SYBU: variants seen among roughly 807,000 people sequenced by gnomAD.
SYBU encodes the protein GOLSYN A protein.
Under a neutral mutation model 35.9 loss-of-function variants are expected in SYBU, and 21 were observed. That is an observed-to-expected ratio of 0.58 (90% CI 0.41 to 0.84). The LOEUF (loss-of-function observed/expected upper bound fraction) is 0.84, where lower values mean the gene tolerates loss of function less well. SYBU is among the 40% of genes least tolerant of loss of function. The probability of loss-of-function intolerance (pLI) is 0.00; values close to 1 mark genes in which losing one functional copy is unlikely to be tolerated. For missense variants in SYBU, 768 were observed against 848.2 expected, an observed-to-expected ratio of 0.91 and a Z score of 1.17; for synonymous variants, 319 against 324.3, an observed-to-expected ratio of 0.98 and a Z score of 0.18.
upstream of SYBU, chr8:109,645,075 C>A (rs577426453): frequency 8.3e-5 from 41 of 493,144 alleles, no homozygotes; most frequent in African/African-American, 7.8e-4. Flanking sequence ...ATCTCCAGCC[C>A]AGGGGTGACC....
chr8:109,656,427 T>C (rs978506953), intron 1 of SYBU, among the ~76,000 whole-genome samples: 8 of 152,282 alleles, frequency 5.3e-5, no homozygotes, highest in African/African-American at 1.7e-4. Flanking sequence ...AAATGTTGAG[T>C]ATGGGGAATA....
intron 3 of SYBU, among the ~76,000 whole-genome samples, chr8:109,617,801 T>G (rs570724892): frequency 6.6e-6 from 1 of 152,248 alleles, no homozygotes; most frequent in African/African-American, 2.4e-5. Context: ...TTTCACAGTT[T>G]AAGTTTTCCT....
chr8:109,578,809 G>A (rs1002489941), intron 5 of SYBU, among the ~76,000 whole-genome samples: 2 of 152,216 alleles, frequency 1.3e-5, no homozygotes, highest in Non-Finnish European at 2.9e-5. Context: ...ACTGCCTAAA[G>A]ATCCTGATGG....
At chr8:109,652,536 G>T (rs975099544) in intron 1 of SYBU, among the ~76,000 whole-genome samples, 16 of 152,106 alleles carry the variant, frequency 1.1e-4, no homozygotes, top group Non-Finnish European at 7.3e-5. Flanking sequence ...CTCAAATCTT[G>T]ATCACCTAGG....
At chr8:109,633,953 C>CT (rs1813919324) in intron 2 of SYBU, among the ~76,000 whole-genome samples, 1 of 152,106 alleles carries the variant, frequency 6.6e-6, no homozygotes, top group African/African-American at 2.4e-5. Flanking sequence ...AGGGTGATCT[C>CT]TAACTCCTGG....
chr8:109,650,543 G>A (rs1816086110), intron 1 of SYBU, among the ~76,000 whole-genome samples: 1 of 152,180 alleles, frequency 6.6e-6, no homozygotes, highest in Non-Finnish European at 1.5e-5. Context: ...CAGTTGTAGA[G>A]CTGAGGATAG....
chr8:109,612,937 G>A (rs919595320), intron 3 of SYBU, among the ~76,000 whole-genome samples: 18 of 146,142 alleles, frequency 1.2e-4, no homozygotes, highest in African/African-American at 3.8e-4. Context: ...CTGAGACTGC[G>A]CCACTGCACT....
upstream of SYBU, chr8:109,645,626 G>GTTTTT (rs201121007): frequency 1.4e-3 from 343 of 244,912 alleles, 25 homozygotes; most frequent in African/African-American, 8.4e-3. Flanking sequence ...TTGTTGTTTC[G>GTTTTT]TTTTTTGTTT....
chr8:109,620,413 A>G (rs1379372743), intron 2 of SYBU, among the ~76,000 whole-genome samples: 1 of 152,238 alleles, frequency 6.6e-6, no homozygotes, highest in Non-Finnish European at 1.5e-5. Context: ...AGATAGAAAC[A>G]GAACTAAGCC....
rs1586874668 is a variant in SYBU, at chr8:109,627,160, A to G, written c.230-8121T>C. On this transcript the variant is annotated intron_variant, in intron 2 of 6. Coordinates refer to ENST00000276646, the MANE Select transcript of SYBU (RefSeq NM_001099754.2). ...CAGTTGTATAATTTTTGTGGGGGGG[A>G]AGTTATTGCTAGTTTAAAGAAACAT... Among the ~76,000 whole-genome samples the G allele has an allele frequency of 4.7e-5, 7 of 148,950 alleles. No individual in the cohort carries two copies. The South Asian group carries it at 1.1e-3, about 23-fold the overall frequency.
At chr8:109,636,440 G>C (rs938421224) in intron 2 of SYBU, among the ~76,000 whole-genome samples, 4 of 152,200 alleles carry the variant, frequency 2.6e-5, no homozygotes, top group African/African-American at 9.7e-5. Flanking sequence ...GGTTAAGGCA[G>C]TAAAACAATT....
chr8:109,641,303 GC>G (rs1210915391), intron 2 of SYBU, among the ~76,000 whole-genome samples: 2 of 152,184 alleles, frequency 1.3e-5, no homozygotes, highest in Non-Finnish European at 2.9e-5. Context: ...TTAATCACGT[GC>G]CCAAACAGAC....
intron 1 of SYBU, among the ~76,000 whole-genome samples, chr8:109,656,624 T>C (rs1816367751): frequency 6.6e-6 from 1 of 152,244 alleles, no homozygotes; most frequent in Non-Finnish European, 1.5e-5. Flanking sequence ...CTTTTACTAA[T>C]TGTAAATCCT....
At chr8:109,648,659 C>T (rs1390544165), upstream of SYBU, 3 of 152,028 alleles carry the variant, frequency 2.0e-5, no homozygotes, top group African/African-American at 7.3e-5. Flanking sequence ...CATCACGGTC[C>T]CTCACATTCA....
chr8:109,591,703 G>A lies in SYBU; in HGVS notation c.428-5541C>T, dbSNP rs1306974575. Reference sequence around the variant, plus strand: ...ATTTTTTTGTATTTTTAGTAGAGACGGGGTTTCACCGTGTTAGCCAGGATG... The same window carrying A: ...ATTTTTTTGTATTTTTAGTAGAGACAGGGTTTCACCGTGTTAGCCAGGATG... On this transcript the variant is annotated intron_variant, in intron 3 of 6. Transcript: ENST00000276646. Among the ~76,000 whole-genome samples, 5 of 150,716 alleles carry A rather than the reference G, an allele frequency of 3.3e-5. No individual in the cohort carries two copies. The East Asian group carries it at 5.8e-4, about 18-fold the overall frequency.
intron 1 of SYBU, among the ~76,000 whole-genome samples, chr8:109,667,363 G>A (rs920178862): frequency 4.6e-5 from 7 of 151,858 alleles, no homozygotes; most frequent in Non-Finnish European, 1.0e-4. Flanking sequence ...CGCCCACCTC[G>A]GCCTCCTAAA....
chr8:109,624,997 T>G (rs1001245949), intron 2 of SYBU, among the ~76,000 whole-genome samples: 3 of 152,196 alleles, frequency 2.0e-5, no homozygotes, highest in African/African-American at 7.2e-5. Context: ...ATTTCTGGGT[T>G]AAATGATACC....
intron 2 of SYBU, among the ~76,000 whole-genome samples, chr8:109,627,910 C>A (rs1325324922): frequency 6.6e-6 from 1 of 152,186 alleles, no homozygotes; most frequent in African/African-American, 2.4e-5. Context: ...CCTTGCATTT[C>A]TATTCCTTCA....
intron 3 of SYBU, among the ~76,000 whole-genome samples, chr8:109,599,927 TC>T: frequency 6.6e-6 from 1 of 152,350 alleles, no homozygotes; most frequent in East Asian, 1.9e-4. Context: ...CACATGCTGT[TC>T]CCTCTAGCTG....
Sources: allele counts gnomAD v4.1 joint callset (sites outside exome capture counted in the v4.1 genomes callset), GRCh38; gene constraint gnomAD v4.1.1; transcripts MANE v1.5; gene names NCBI Gene and HGNC (gene_info 2026-07-23, HGNC 2026-07-21).